ESRRG: variants seen among roughly 807,000 people sequenced by gnomAD.
The protein encoded by ESRRG is estrogen related receptor gamma, also known as estrogen-related receptor gamma.
A neutral mutation model predicts 44.0 loss-of-function variants in ESRRG; 13 were observed. That is an observed-to-expected ratio of 0.30 (90% CI 0.19 to 0.47). ESRRG has a LOEUF of 0.47. ESRRG is among the 20% of genes least tolerant of loss of function. The probability of loss-of-function intolerance (pLI) is 1.00; values close to 1 mark genes in which losing one functional copy is unlikely to be tolerated. For missense variants in ESRRG, 395 were observed against 580.6 expected (o/e 0.68, Z 3.29); for synonymous variants, 215 against 214.6 (o/e 1.00, Z -0.02).
chr1:217,126,880 C>G (rs986083783), intron 1 of ESRRG, among the ~76,000 whole-genome samples: 1 of 152,176 alleles, frequency 6.6e-6, no homozygotes, highest in Non-Finnish European at 1.5e-5. Flanking sequence ...TGCATGAATA[C>G]TTTGAAAGCA....
intron 2 of ESRRG, among the ~76,000 whole-genome samples, chr1:216,885,826 C>T (rs1341720532): frequency 6.6e-6 from 1 of 151,758 alleles, no homozygotes; most frequent in Non-Finnish European, 1.5e-5. Flanking sequence ...CCATGTGGCC[C>T]TCCTCCCTCC....
intron 3 of ESRRG, among the ~76,000 whole-genome samples, chr1:216,604,987 T>C (rs912927512): frequency 2.0e-5 from 3 of 152,070 alleles, no homozygotes; most frequent in African/African-American, 7.2e-5. Context: ...GACAGGTGGA[T>C]GGAAGGAGGG....
chr1:217,048,645 C>T (rs1191686642), intron 1 of ESRRG, among the ~76,000 whole-genome samples: 2 of 152,068 alleles, frequency 1.3e-5, no homozygotes, highest in Non-Finnish European at 2.9e-5. Flanking sequence ...TCAGAAGTTC[C>T]CTGAAATGAG....
At chr1:216,891,954 G>C (rs538843462) in intron 2 of ESRRG, among the ~76,000 whole-genome samples, 1 of 151,904 alleles carries the variant, frequency 6.6e-6, no homozygotes, top group Non-Finnish European at 1.5e-5. Context: ...CAACAGGCAT[G>C]TGCCAGCATG....
intron 1 of ESRRG, among the ~76,000 whole-genome samples, chr1:217,045,470 AG>A (rs1433808851): frequency 2.6e-5 from 4 of 152,224 alleles, no homozygotes; most frequent in African/African-American, 4.8e-5. Context: ...GTGGGAGAAA[AG>A]GGGGGACCTG....
chr1:216,801,398 C>G (rs531414594), intron 2 of ESRRG, among the ~76,000 whole-genome samples: 30 of 152,234 alleles, frequency 2.0e-4, no homozygotes, highest in African/African-American at 7.0e-4. Flanking sequence ...CTGTGACCTA[C>G]TACTACCTAC....
chr1:216,841,946 A>C (rs2095659960), intron 2 of ESRRG, among the ~76,000 whole-genome samples: 1 of 151,804 alleles, frequency 6.6e-6, no homozygotes, highest in Non-Finnish European at 1.5e-5. Context: ...TCCAGTTTTC[A>C]TATCTAGTTT....
At chr1:216,784,505 T>A (rs2094052283) in intron 2 of ESRRG, among the ~76,000 whole-genome samples, 1 of 152,006 alleles carries the variant, frequency 6.6e-6, no homozygotes. Context: ...AGCACTAGAT[T>A]AAGATTCTGA....
intron 2 of ESRRG, among the ~76,000 whole-genome samples, chr1:216,802,999 C>T (rs534708309): frequency 9.9e-5 from 15 of 152,086 alleles, no homozygotes; most frequent in South Asian, 4.2e-4. Context: ...TCTATGGGTT[C>T]GTGTTTGCCT....
intron 2 of ESRRG, among the ~76,000 whole-genome samples, chr1:216,732,045 AG>A (rs1359365531): frequency 6.6e-6 from 1 of 152,054 alleles, no homozygotes; most frequent in Non-Finnish European, 1.5e-5. Flanking sequence ...TGGACAGAAA[AG>A]TTAGCTGTTT....
chr1:216,991,280 T>C (rs1021403923), intron 1 of ESRRG, among the ~76,000 whole-genome samples: 1 of 152,166 alleles, frequency 6.6e-6, no homozygotes, highest in African/African-American at 2.4e-5. Context: ...AGAGCACTAA[T>C]ACTGTACCAT....
At chr1:217,045,649 A>G (rs185394780) in intron 1 of ESRRG, among the ~76,000 whole-genome samples, 30 of 152,318 alleles carry the variant, frequency 2.0e-4, no homozygotes, top group Non-Finnish European at 4.0e-4. Flanking sequence ...GCCATGTGGG[A>G]TAGCACGTGT....
chr1:216,668,099 A>T (rs991966350), intron 2 of ESRRG, among the ~76,000 whole-genome samples: 6 of 152,266 alleles, frequency 3.9e-5, no homozygotes, highest in Middle Eastern at 3.4e-3. Context: ...TCCATCTCAA[A>T]AAATAAATAA....
At chr1:217,022,857 G>C (rs2080568891) in intron 1 of ESRRG, among the ~76,000 whole-genome samples, 1 of 152,114 alleles carries the variant, frequency 6.6e-6, no homozygotes, top group African/African-American at 2.4e-5. Context: ...GGAAGGGAGG[G>C]AGGAAGGTAG....
intron 5 of ESRRG, among the ~76,000 whole-genome samples, chr1:216,522,917 CT>C (rs1279614340): frequency 7.9e-5 from 12 of 152,120 alleles, no homozygotes; most frequent in Non-Finnish European, 1.6e-4. Flanking sequence ...GTTTATAGCT[CT>C]TGGGCTACAA....
chr1:216,665,089 A>G, intron 2 of ESRRG, among the ~76,000 whole-genome samples: 1 of 152,194 alleles, frequency 6.6e-6, no homozygotes, highest in East Asian at 1.9e-4. Context: ...TACCCAAGGT[A>G]CAGTACAGTA....
At chr1:216,763,886 T>C (rs2092930562) in intron 2 of ESRRG, among the ~76,000 whole-genome samples, 1 of 152,146 alleles carries the variant, frequency 6.6e-6, no homozygotes, top group African/African-American at 2.4e-5. Context: ...ATAATAAATA[T>C]AAAAACTTAT....
chr1:216,995,655 C>G (rs921387019), intron 1 of ESRRG, among the ~76,000 whole-genome samples: 1 of 152,172 alleles, frequency 6.6e-6, no homozygotes, highest in Non-Finnish European at 1.5e-5. Context: ...ATTCTTATAG[C>G]CCTATCATTT....
chr1:217,064,321 G>A (rs1374325103), intron 1 of ESRRG, among the ~76,000 whole-genome samples: 4 of 151,986 alleles, frequency 2.6e-5, no homozygotes, highest in African/African-American at 9.7e-5. Context: ...GTATATATAA[G>A]TACATATATG....
Sources: gnomAD v4.1 joint callset for allele counts (sites outside exome capture counted in the v4.1 genomes callset) on GRCh38, gnomAD v4.1.1 for gene constraint, MANE v1.5 for transcripts, NCBI Gene and HGNC (gene_info 2026-07-23, HGNC 2026-07-21) for gene names.